GOLGB1: variants seen among roughly 807,000 people sequenced by gnomAD.
GOLGB1 encodes the protein golgin subfamily B member 1.
A neutral mutation model predicts 336.9 loss-of-function variants in GOLGB1; 174 were observed. That is an observed-to-expected ratio of 0.52 (90% CI 0.46 to 0.59). The LOEUF (loss-of-function observed/expected upper bound fraction) is 0.59. Among genes scored for constraint, GOLGB1 ranks in the 20% least tolerant of loss-of-function variants. The pLI is 0.00. For missense variants in GOLGB1, 3,331 were observed against 3,645.3 expected (o/e 0.91, Z 2.22); for synonymous variants, 1,208 against 1,289.2 (o/e 0.94, Z 1.35).
chr3:121,726,960 T>C lies in GOLGB1; in HGVS notation c.484A>G (p.Thr162Ala). 6.2e-7 allele frequency: 1 copy of C among 1,606,500 alleles called. No individual in the cohort carries two copies. The highest frequency in any genetic ancestry group is 1.1e-5 in the South Asian group (1 of 90,416). Residue 162 changes from threonine (T) to alanine (A), a missense_variant, in exon 5 of 22, where the codon ACT becomes GCT. Physicochemically the swap from Thr to Ala is moderately conservative, Grantham distance 58 (BLOSUM62 0). Transcript: ENST00000614479. ...KLQEKEELISTLQAQLTQAQA... is the reference protein window; with the variant it reads ...KLQEKEELISALQAQLTQAQA... ...GCCTGAGTAAGCTGGGCTTGCAAAG[T>C]GCTGATTAGTTCCTCCTTCTCCTGG...
intron 10 of GOLGB1, among the ~76,000 whole-genome samples, chr3:121,711,697 G>A (rs1381780735): frequency 6.6e-6 from 1 of 151,896 alleles, no homozygotes; most frequent in Non-Finnish European, 1.5e-5. Flanking sequence ...AGCATACATT[G>A]GAAAATGAAA....
At chr3:121,670,570 C>T (rs1268187031) in intron 17 of GOLGB1, among the ~76,000 whole-genome samples, 1 of 152,060 alleles carries the variant, frequency 6.6e-6, no homozygotes, top group African/African-American at 2.4e-5. Context: ...GTACTTTCAC[C>T]AGTATCATCT....
rs1306615196 is a variant in GOLGB1, at chr3:121,741,411, T to C, written c.-3+8221A>G. Among the ~76,000 whole-genome samples the C allele has an allele frequency of 2.0e-5, 3 of 152,194 alleles. No homozygotes were observed. The East Asian group carries it at 5.8e-4, about 29-fold the overall frequency. On this transcript the variant is annotated intron_variant, in intron 1 of 21. Coordinates refer to ENST00000614479, the MANE Select transcript of GOLGB1 (RefSeq NM_001366282.2). ...AAAATCGGGAAGAATGTGAATAGCA[T>C]ATGCAAAAAATAAAAAATATTTTTA...
intron 10 of GOLGB1, among the ~76,000 whole-genome samples, chr3:121,706,543 T>TG (rs1943841412): frequency 6.6e-6 from 1 of 151,878 alleles, no homozygotes; most frequent in South Asian, 2.1e-4. Context: ...GAGACTAGCC[T>TG]GGCCAACATG....
chr3:121,671,437 A>G (rs1939519481), intron 17 of GOLGB1, among the ~76,000 whole-genome samples: 1 of 152,210 alleles, frequency 6.6e-6, no homozygotes, highest in Non-Finnish European at 1.5e-5. Context: ...GGACGCTCAA[A>G]TTCCTTATAT....
At chr3:121,667,354 T>C (rs1560158789) in intron 20 of GOLGB1, 122 bp downstream of exon 20, 5 of 1,005,746 alleles carry the variant, frequency 5.0e-6, no homozygotes, top group South Asian at 1.7e-5. Context: ...GGTAAACTCA[T>C]TGCAGCAACT....
intron 15 of GOLGB1, among the ~76,000 whole-genome samples, chr3:121,678,713 G>A (rs574244863): frequency 1.6e-4 from 25 of 152,066 alleles, no homozygotes; most frequent in African/African-American, 4.6e-4. Context: ...GATTACAGGC[G>A]CACGCCACCA....
chr3:121,690,916 T>C lies in GOLGB1; in HGVS notation c.8448A>G (p.Leu2816=), dbSNP rs574983211. ...AGTGAAGCAATTGCTCATCTTTGGATAGGAGCTGTTGGTTAAGTTTCTCAA... is the reference window on the plus strand; with the variant it reads ...AGTGAAGCAATTGCTCATCTTTGGACAGGAGCTGTTGGTTAAGTTTCTCAA... ...SHLEKLNQQL[L]SKDEQLLHLS... Residue 2816 remains leucine (L), a synonymous_variant, in exon 14 of 22, where the codon CTA becomes CTG. Transcript: ENST00000614479. 2.5e-6 allele frequency: 4 copies of C among 1,614,028 alleles called. No individual in the cohort carries two copies. Among genetic ancestry groups the C allele is most frequent in the Admixed American group, 1.7e-5 (1 of 60,028 alleles).
Position 121,696,875 on chromosome 3 carries a change from G to A in GOLGB1, c.3648C>T (p.Asp1216=), listed in dbSNP as rs1472182437. The change falls in exon 13 of 22, where the codon GAC becomes GAT. Residue 1216 remains aspartate (D), a synonymous_variant. Coordinates refer to ENST00000614479, the MANE Select transcript of GOLGB1 (RefSeq NM_001366282.2). ...LREELKQQKD[D]YNRLQEQFDE... is the part of the protein sequence containing the mutation. ...CAAACTGTTCTTGCAAGCGATTATA[G>A]TCATCTTTCTGTTGCTTTAGCTCCT... 14 of 1,614,020 alleles carry A rather than the reference G, an allele frequency of 8.7e-6. No homozygotes were observed. The highest frequency in any genetic ancestry group is 1.1e-5 in the Non-Finnish European group (13 of 1,180,014).
chr3:121,700,038 C>T (rs1415455115), intron 11 of GOLGB1, among the ~76,000 whole-genome samples, 153 bp from the exon 12 acceptor site: 2 of 151,964 alleles, frequency 1.3e-5, no homozygotes, highest in South Asian at 2.1e-4. Context: ...AAAGAAGTGG[C>T]AAGAGGATAT....
intron 7 of GOLGB1, 48 bp from the exon 8 acceptor site, chr3:121,718,549 G>A (rs761391487): frequency 2.5e-6 from 3 of 1,210,418 alleles, no homozygotes; most frequent in Non-Finnish European, 3.7e-6. Context: ...ATGAGTGCTT[G>A]TATTTGCTTA....
At chr3:121,729,402 T>G in intron 3 of GOLGB1, 62 bp from the exon 4 acceptor site, 1 of 1,272,062 alleles carries the variant, frequency 7.9e-7, no homozygotes, top group Non-Finnish European at 1.1e-6. Context: ...TAGCACATAC[T>G]AAAAGTTATT....
Position 121,666,461 on chromosome 3 carries a change from G to A in GOLGB1, c.9554+1015C>T, listed in dbSNP as rs528720780. On this transcript the variant is annotated intron_variant, in intron 20 of 21. Transcript: ENST00000614479. ...GCAAGTAGAAGAGAAACAGTCATGA[G>A]GGCACAGGCCTGAAAATGCTCGGCA... is the stretch of plus-strand genomic sequence containing the variant. Among the ~76,000 whole-genome samples, 9 of 152,308 alleles carry A rather than the reference G, an allele frequency of 5.9e-5. No homozygotes were observed. In the South Asian group the frequency reaches 1.9e-3, roughly 32 times the overall value.
intron 14 of GOLGB1, among the ~76,000 whole-genome samples, chr3:121,684,238 A>G (rs993837965): frequency 2.1e-4 from 31 of 150,288 alleles, no homozygotes; most frequent in Non-Finnish European, 1.3e-4. Context: ...GTTGGAATCA[A>G]AAGACGAAGG....
At position 121,681,205 on chromosome 3, in the gene GOLGB1, G is replaced by GA. The variant is rs1002781037; in HGVS notation, c.8873+481dup. 7.9e-5 allele frequency among the ~76,000 whole-genome samples: 12 copies of GA among 152,268 alleles called. No homozygotes were observed. The East Asian group carries it at 2.1e-3, about 27-fold the overall frequency. ...GGATCTCAAGGGCATTATGGCACAT[G>GA]AAAAAAGCCAATTTCAAAGGGTTAT... On this transcript the variant is annotated intron_variant, in intron 15 of 21. Coordinates refer to ENST00000614479, the MANE Select transcript of GOLGB1 (RefSeq NM_001366282.2).
intron 14 of GOLGB1, among the ~76,000 whole-genome samples, chr3:121,682,405 C>CT (rs1553856061): frequency 6.6e-6 from 1 of 152,128 alleles, no homozygotes; most frequent in Non-Finnish European, 1.5e-5. Flanking sequence ...TCCTCATACT[C>CT]TTCTTTTTTT....
chr3:121,722,304 T>C lies in GOLGB1; in HGVS notation c.606A>G (p.Leu202=), dbSNP rs1945255047. ...LQEKEEFIST[L]QAQLSQTQAE... Reference sequence around the variant, plus strand: ...CCTGTGTCTGGCTGAGCTGGGCTTGTAAAGTGCTAATGAATTCTTCCTTCT... The same window carrying C: ...CCTGTGTCTGGCTGAGCTGGGCTTGCAAAGTGCTAATGAATTCTTCCTTCT... Residue 202 remains leucine (L), a synonymous_variant, in exon 6 of 22, where the codon TTA becomes TTG. Transcript: ENST00000614479. The C allele has an allele frequency of 2.5e-6, 4 of 1,612,968 alleles. No homozygotes were observed. Among genetic ancestry groups the C allele is most frequent in the Non-Finnish European group, 3.4e-6 (4 of 1,178,976 alleles).
In GOLGB1 at chr3:121,699,692, T is replaced by A. The variant is rs1000300622; in HGVS notation, c.1593+120A>T. The A allele has an allele frequency of 7.5e-6, 4 of 534,540 alleles. No individual in the cohort carries two copies. In the African/African-American group the frequency reaches 7.6e-5, roughly 10 times the overall value. The allele number at this position is 534,540 out of a possible 1,614,324, so 33.1% of individuals were successfully genotyped here. ...CCATTATGAATCTCTTTAATAGATC[T>A]TACTCTATAGGTAATGTACTTCTCT... On this transcript the variant is annotated intron_variant, in intron 12 of 21. Transcript: ENST00000614479.
At chr3:121,724,493 G>A (rs1945415086) in intron 5 of GOLGB1, among the ~76,000 whole-genome samples, 1 of 151,714 alleles carries the variant, frequency 6.6e-6, no homozygotes, top group Non-Finnish European at 1.5e-5. Context: ...ATTTTAAGCA[G>A]CAAACTGCTT....
Sources: gnomAD v4.1 joint callset for allele counts (sites outside exome capture counted in the v4.1 genomes callset) on GRCh38, gnomAD v4.1.1 for gene constraint, MANE v1.5 for transcripts, NCBI Gene and HGNC (gene_info 2026-07-23, HGNC 2026-07-21) for gene names.